The following SORCS1 variants were observed in gnomAD, a reference collection of about 807,000 sequenced individuals.
SORCS1 encodes the protein VPS10 domain-containing receptor SorCS1.
SORCS1 carries 60 observed loss-of-function variants against 146.1 expected under a neutral mutation model. The ratio of observed to expected loss-of-function variants is 0.41; its 90% confidence interval spans 0.33 to 0.51. SORCS1 has a LOEUF of 0.51. Among genes scored for constraint, SORCS1 ranks in the 20% least tolerant of loss-of-function variants. SORCS1 has a pLI of 0.21. For missense variants in SORCS1, 1,352 were observed against 1,487.6 expected (o/e 0.91, Z 1.50); for synonymous variants, 637 against 584.0 (o/e 1.09, Z -1.31).
chr10:107,024,229 G>A (rs968647799), intron 1 of SORCS1, among the ~76,000 whole-genome samples: 3 of 151,896 alleles, frequency 2.0e-5, no homozygotes, highest in Non-Finnish European at 2.9e-5. Context: ...TGGTTCTGAA[G>A]GGTGTGCAAG....
chr10:106,744,878 G>A (rs927286990), intron 5 of SORCS1, among the ~76,000 whole-genome samples: 1 of 152,112 alleles, frequency 6.6e-6, no homozygotes, highest in African/African-American at 2.4e-5. Context: ...AAAGAGGAAA[G>A]CTCAGAACTA....
chr10:107,015,726 T>C (rs1454095913), intron 1 of SORCS1, among the ~76,000 whole-genome samples: 1 of 152,204 alleles, frequency 6.6e-6, no homozygotes, highest in Non-Finnish European at 1.5e-5. Flanking sequence ...TTCCCCATTA[T>C]CTCCTTGAGA....
chr10:107,075,791 G>A (rs1962827354), intron 1 of SORCS1, among the ~76,000 whole-genome samples: 1 of 151,974 alleles, frequency 6.6e-6, no homozygotes, highest in South Asian at 2.1e-4. Context: ...CAAATTACAT[G>A]GTGGGTGTGT....
chr10:106,690,946 T>G (rs922678557), intron 9 of SORCS1, among the ~76,000 whole-genome samples: 2 of 152,120 alleles, frequency 1.3e-5, no homozygotes, highest in African/African-American at 2.4e-5. Flanking sequence ...CATCCTACGT[T>G]TCTTGGAACC....
At chr10:106,697,070 T>C (rs1268298748) in intron 9 of SORCS1, among the ~76,000 whole-genome samples, 3 of 152,188 alleles carry the variant, frequency 2.0e-5, no homozygotes, top group Admixed American at 2.0e-4. Context: ...TTTCAAGTGT[T>C]CAGTCAAGGC....
At chr10:106,959,190 T>C (rs937038088) in intron 1 of SORCS1, among the ~76,000 whole-genome samples, 1 of 152,174 alleles carries the variant, frequency 6.6e-6, no homozygotes, top group Admixed American at 6.5e-5. Flanking sequence ...AACCGCTCCC[T>C]GCCTCTTCTT....
intron 3 of SORCS1, among the ~76,000 whole-genome samples, chr10:106,813,728 A>C (rs1226615005): frequency 6.6e-6 from 1 of 152,184 alleles, no homozygotes; most frequent in Non-Finnish European, 1.5e-5. Context: ...TGGGCCCAGG[A>C]GTTTGAGACT....
chr10:107,063,360 T>C (rs931928607), intron 1 of SORCS1, among the ~76,000 whole-genome samples: 2 of 152,206 alleles, frequency 1.3e-5, no homozygotes, highest in Admixed American at 6.5e-5. Context: ...TGAATACTTG[T>C]ATGTTACTAT....
intron 5 of SORCS1, among the ~76,000 whole-genome samples, chr10:106,753,859 G>A (rs1162541633): frequency 6.6e-6 from 1 of 152,198 alleles, no homozygotes; most frequent in African/African-American, 2.4e-5. Context: ...TTATAGCATA[G>A]TGTGCAGATA....
chr10:106,637,082 G>C (rs1032118968), intron 18 of SORCS1, among the ~76,000 whole-genome samples: 1 of 152,228 alleles, frequency 6.6e-6, no homozygotes, highest in Non-Finnish European at 1.5e-5. Context: ...TAGTGTGAGT[G>C]TTTGACAAAG....
At chr10:106,588,643 C>T (rs1236819861) in intron 24 of SORCS1, among the ~76,000 whole-genome samples, 9 of 151,782 alleles carry the variant, frequency 5.9e-5, no homozygotes, top group Admixed American at 6.6e-5. Context: ...GGGCAGATCA[C>T]GAGGTCAGGA....
intron 1 of SORCS1, among the ~76,000 whole-genome samples, 197 bp downstream of exon 1, chr10:107,163,772 T>C (rs1969882463): frequency 6.6e-6 from 1 of 152,148 alleles, no homozygotes; most frequent in Non-Finnish European, 1.5e-5. Flanking sequence ...AGGACTCTGA[T>C]GGTGTTGGTG....
intron 1 of SORCS1, among the ~76,000 whole-genome samples, chr10:107,046,049 C>A (rs976329220): frequency 6.6e-6 from 1 of 151,920 alleles, no homozygotes; most frequent in East Asian, 1.9e-4. Flanking sequence ...CGGGTTCAAG[C>A]GATCCTCCTG....
chr10:107,074,126 C>T (rs898172563), intron 1 of SORCS1, among the ~76,000 whole-genome samples: 9 of 152,146 alleles, frequency 5.9e-5, no homozygotes, highest in African/African-American at 2.2e-4. Context: ...TTTATAATGG[C>T]ATGTATCCAC....
chr10:106,611,302 T>C (rs1846970062), intron 22 of SORCS1, among the ~76,000 whole-genome samples: 1 of 152,064 alleles, frequency 6.6e-6, no homozygotes, highest in Non-Finnish European at 1.5e-5. Flanking sequence ...GATATGAGAG[T>C]TTAGGCAAGT....
chr10:106,975,540 G>T (rs1834579414), intron 1 of SORCS1, among the ~76,000 whole-genome samples: 1 of 152,176 alleles, frequency 6.6e-6, no homozygotes, highest in South Asian at 2.1e-4. Context: ...GGAAGAGCTG[G>T]TAGACCCTGA....
chr10:106,592,849 C>A (rs1227613675), intron 24 of SORCS1, among the ~76,000 whole-genome samples: 1 of 151,262 alleles, frequency 6.6e-6, no homozygotes, highest in Non-Finnish European at 1.5e-5. Context: ...TAATTTCAAC[C>A]TAATAAAAGC....
chr10:107,076,194 A>G (rs995439552), intron 1 of SORCS1, among the ~76,000 whole-genome samples: 2 of 152,142 alleles, frequency 1.3e-5, no homozygotes, highest in Non-Finnish European at 2.9e-5. Flanking sequence ...TTGCTAGAAC[A>G]TTAGTACTAT....
chr10:107,003,426 A>G (rs977978002), intron 1 of SORCS1, among the ~76,000 whole-genome samples: 31 of 125,600 alleles, frequency 2.5e-4, no homozygotes, highest in African/African-American at 9.3e-4. Context: ...ATAAATTCCC[A>G]TAAGTGTGTG....
Sources: gnomAD v4.1 joint callset for allele counts (sites outside exome capture counted in the v4.1 genomes callset) on GRCh38, gnomAD v4.1.1 for gene constraint, MANE v1.5 for transcripts, NCBI Gene and HGNC (gene_info 2026-07-23, HGNC 2026-07-21) for gene names.